Variants in BPIFA3 observed in about 807,000 individuals in gnomAD.
BPIFA3 encodes the protein BPI fold containing family A member 3.
Under a neutral mutation model 29.7 loss-of-function variants are expected in BPIFA3, and 32 were observed. The ratio of observed to expected loss-of-function variants is 1.08; its 90% CI spans 0.81 to 1.45. BPIFA3 has a LOEUF of 1.45. Ranked by LOEUF, BPIFA3 falls within the 40% of genes most tolerant of loss-of-function variation. BPIFA3 has a pLI of 0.00. For missense variants in BPIFA3, 323 were observed against 311.3 expected, an observed-to-expected ratio of 1.04 and a Z score of -0.28; for synonymous variants, 112 against 113.7, an observed-to-expected ratio of 0.98 and a Z score of 0.10.
Position 33,226,973 on chromosome 20 carries a change from A to G in BPIFA3, c.665A>G (p.Lys222Arg), listed in dbSNP as rs367651598. ...IGEILGQLDV[K>R]LLKSLIEQEA... The stretch of plus-strand genomic sequence containing the variant: ...GAAATCCTCGGGCAGCTGGATGTGA[A>G]ACTGTTGAAAAGCCTCATAGGTGAG... The change falls in exon 6 of 7, where the codon AAA (lysine) becomes AGA (arginine). Residue 222 changes from lysine to arginine, a missense_variant. Lys to Arg is a conservative substitution (Grantham distance 26). Transcript: ENST00000375454. The G allele has an allele frequency of 6.2e-7, 1 of 1,613,874 alleles. No individual in the cohort carries two copies. The highest frequency in any genetic ancestry group is 8.5e-7 in the Non-Finnish European group (1 of 1,179,926).
At position 33,224,455 on chromosome 20, in the gene BPIFA3, T is replaced by C. The variant is rs770170141; in HGVS notation, c.379T>C (p.Leu127=). 2.5e-6 allele frequency: 4 copies of C among 1,612,020 alleles called. No homozygotes were observed. Among genetic ancestry groups the C allele is most frequent in the Non-Finnish European group, 3.4e-6 (4 of 1,178,074 alleles). ...TATCTCACTTGAATTTGACCTTGAA[T>C]TGAGACCGTGAGTCATACAGAAGCA... The part of the protein sequence containing the change: ...ANISLEFDLE[L]RPSFDNNIVK... The change falls in exon 3 of 7, where the codon TTG becomes CTG. Residue 127 remains leucine (L), a synonymous_variant. Transcript: ENST00000375454.
Position 33,226,470 on chromosome 20 carries a change from C to T in BPIFA3, c.601C>T (p.Pro201Ser). The T allele has an allele frequency of 6.2e-7, 1 of 1,610,192 alleles. No homozygotes were observed. Among genetic ancestry groups the T allele is most frequent in the Non-Finnish European group, 8.5e-7 (1 of 1,177,992 alleles). ...NLKENLQKVL[P>S]HMVESQVCPL... ...CAAAGAGAATCTGCAAAAAGTTCTC[C>T]CACACATGGTAGAAAGTCAGGTAAG... Residue 201 changes from proline to serine, a missense_variant, in exon 5 of 7, where the codon CCA becomes TCA. By Grantham distance (74) the Pro-to-Ser change is moderately conservative (BLOSUM62 -1). Transcript: ENST00000375454.
rs114904196 is a variant in BPIFA3, at chr20:33,226,957, G to C, written c.649G>C (p.Gly217Arg). The part of the protein sequence containing the change: ...QVCPLIGEIL[G>R]QLDVKLLKSL... Reference sequence around the variant, plus strand: ...ATGTCCTCTGATCGGTGAAATCCTCGGGCAGCTGGATGTGAAACTGTTGAA... The same window carrying C: ...ATGTCCTCTGATCGGTGAAATCCTCCGGCAGCTGGATGTGAAACTGTTGAA... The change falls in exon 6 of 7, where the codon GGG (glycine) becomes CGG (arginine). Residue 217 changes from glycine to arginine, a missense_variant. Transcript: ENST00000375454. The C allele has an allele frequency of 5.6e-6, 9 of 1,614,068 alleles. No homozygotes were observed. In the African/African-American group the frequency reaches 1.2e-4, roughly 22 times the overall value.
intron 6 of BPIFA3, 76 bp from the exon 7 acceptor site, chr20:33,227,462 G>A (rs1978353411): frequency 2.4e-6 from 3 of 1,242,638 alleles, no homozygotes; most frequent in Non-Finnish European, 3.6e-6. Context: ...CACCATGGAT[G>A]GATGAGGGTT....
intron 1 of BPIFA3, among the ~76,000 whole-genome samples, chr20:33,219,970 C>G (rs1449093609): frequency 6.6e-6 from 1 of 151,932 alleles, no homozygotes; most frequent in African/African-American, 2.4e-5. Flanking sequence ...CATGGTGGCA[C>G]ACACCTGTAG....
chr20:33,217,347 C>T (rs1389227900), upstream of BPIFA3: 2 of 631,720 alleles, frequency 3.2e-6, no homozygotes, highest in Non-Finnish European at 5.0e-6. Flanking sequence ...ACATGTTGCT[C>T]TCCCAATGTG....
rs772020508 is a variant in BPIFA3 at position 33,217,713 on chromosome 20, G to A, written c.127+50G>A. 25 of 1,572,990 alleles carry A rather than the reference G, an allele frequency of 1.6e-5. No individual in the cohort carries two copies. In the South Asian group the frequency reaches 2.2e-4, roughly 14 times the overall value. ...TGCTGCCTACGGGGCTGGGGAGGTG[G>A]GAAGGTGCCATCTGGGCTCCACTGC... is the stretch of plus-strand genomic sequence containing the variant. On this transcript the variant is annotated intron_variant, in intron 1 of 6. Coordinates refer to ENST00000375454, the MANE Select transcript of BPIFA3 (RefSeq NM_178466.5).
intron 1 of BPIFA3, among the ~76,000 whole-genome samples, chr20:33,221,502 T>C (rs1985515269): frequency 6.6e-6 from 1 of 152,246 alleles, no homozygotes; most frequent in African/African-American, 2.4e-5. Flanking sequence ...AGCAAACTTT[T>C]CATACATAAA....
At chr20:33,218,267 G>A (rs1025538850) in intron 1 of BPIFA3, among the ~76,000 whole-genome samples, 2 of 152,224 alleles carry the variant, frequency 1.3e-5, no homozygotes, top group Non-Finnish European at 2.9e-5. Context: ...ATTTCCCTGG[G>A]ATAAACCCAG....
intron 1 of BPIFA3, among the ~76,000 whole-genome samples, chr20:33,220,365 T>A (rs1429287902): frequency 6.6e-6 from 1 of 151,586 alleles, no homozygotes; most frequent in Non-Finnish European, 1.5e-5. Context: ...GCCACTGCAC[T>A]CCAGCCTGGG....
chr20:33,223,568 C>T, intron 1 of BPIFA3: 1 of 431,672 alleles, frequency 2.3e-6, no homozygotes, highest in Non-Finnish European at 4.2e-6. Flanking sequence ...AACCAGAATA[C>T]CCCACTTTGA....
intron 1 of BPIFA3, 34 bp downstream of exon 1, chr20:33,217,697 C>A (rs199674659): frequency 1.9e-6 from 3 of 1,600,106 alleles, no homozygotes; most frequent in Non-Finnish European, 2.6e-6. Flanking sequence ...CTGCTGCCTA[C>A]GGGGCTGGGG....
chr20:33,227,072 C>T (rs1985819641), intron 6 of BPIFA3, 79 bp downstream of exon 6: 8 of 1,315,608 alleles, frequency 6.1e-6, no homozygotes, highest in Non-Finnish European at 7.7e-6. Flanking sequence ...CCTGGAGCCC[C>T]CAGGGAGGCC....
At chr20:33,224,059 G>T (rs1283286694) in intron 2 of BPIFA3, 98 bp downstream of exon 2, 4 of 1,431,908 alleles carry the variant, frequency 2.8e-6, no homozygotes, top group Non-Finnish European at 3.8e-6. Context: ...CAAGGCCTGT[G>T]AAGAGGGAAG....
chr20:33,221,444 A>G (rs1371659523), intron 1 of BPIFA3, among the ~76,000 whole-genome samples: 2 of 152,218 alleles, frequency 1.3e-5, no homozygotes, highest in Non-Finnish European at 2.9e-5. Context: ...GGCGTGAGCC[A>G]CTGCGCCTGG....
At chr20:33,226,542 G>A (rs1570033) in intron 5 of BPIFA3, 52 bp downstream of exon 5, 606,154 of 1,226,178 alleles carry the variant, frequency 0.49, 155,316 homozygotes, top group African/African-American at 0.86. Flanking sequence ...CCGAGGGTTA[G>A]GGCATATATC....
rs1467226865 is a variant in BPIFA3, at chr20:33,225,244, CTGAG to C, written c.535_536+2del. On this transcript the variant is annotated splice_donor_variant and coding_sequence_variant, in exon 4 of 7. Transcript: ENST00000375454. LOFTEE classifies it high-confidence loss of function. ...AGCAGTGTCCATGTGGCCATCCTCA[CTGAG>C]TAAGACCCCAGCTGCCCCTCCCCAG... is the stretch of plus-strand genomic sequence containing the variant. 1.9e-6 allele frequency: 3 copies of C among 1,613,484 alleles called. No individual in the cohort carries two copies. In the African/African-American group the frequency reaches 4.0e-5, roughly 22 times the overall value.
chr20:33,227,150 TC>T (rs1985823913), intron 6 of BPIFA3, among the ~76,000 whole-genome samples, 157 bp downstream of exon 6: 1 of 151,946 alleles, frequency 6.6e-6, no homozygotes, highest in African/African-American at 2.4e-5. Context: ...GACCACACTG[TC>T]CCCCAAGAGA....
At chr20:33,218,608 T>C (rs1985369260) in intron 1 of BPIFA3, among the ~76,000 whole-genome samples, 1 of 152,196 alleles carries the variant, frequency 6.6e-6, no homozygotes, top group Non-Finnish European at 1.5e-5. Flanking sequence ...GATGTCTCCA[T>C]ACAGCCTTTT....
Sources: gnomAD v4.1 joint callset for allele counts (sites outside exome capture counted in the v4.1 genomes callset) on GRCh38, gnomAD v4.1.1 for gene constraint, MANE v1.5 for transcripts, NCBI Gene and HGNC (gene_info 2026-07-23, HGNC 2026-07-21) for gene names.